Variants in ZBED4 observed in about 807,000 individuals in gnomAD.
ZBED4 encodes zinc finger BED-type containing 4.
Under a neutral mutation model 15.5 loss-of-function variants are expected in ZBED4, and 4 were observed. The observed-to-expected ratio is 0.26, with a 90% CI of 0.13 to 0.59. The LOEUF is 0.59. ZBED4 is among the 20% of genes least tolerant of loss of function. ZBED4 has a pLI of 0.90. For missense variants in ZBED4, 1,323 were observed against 1,461.8 expected, an observed-to-expected ratio of 0.91 and a Z score of 1.55; for synonymous variants, 692 against 608.5, an observed-to-expected ratio of 1.14 and a Z score of -2.02.
At position 49,886,428 on chromosome 22, in the gene ZBED4, C is replaced by A. The variant is rs761274127; in HGVS notation, c.2766C>A (p.Ile922=). 2 of 1,586,890 alleles carry A rather than the reference C, an allele frequency of 1.3e-6. No homozygotes were observed. Among genetic ancestry groups the A allele is most frequent in the Non-Finnish European group, 1.7e-6 (2 of 1,163,274 alleles). The part of the protein sequence containing the change: ...MSVECNFREL[I]SCDQWEVMQS... ...TCGAGTGTAACTTCCGAGAGCTGAT[C>A]AGCTGCGACCAGTGGGAGGTCATGC... is the stretch of plus-strand genomic sequence containing the variant. The change falls in exon 2 of 2, where the codon ATC becomes ATA. Residue 922 remains isoleucine, a synonymous_variant. Coordinates refer to ENST00000216268, the MANE Select transcript of ZBED4 (RefSeq NM_014838.3). This position sits in a 1 kb window ranked among gnomAD's most constrained non-coding sequence, Gnocchi z 7.7.
intron 1 of ZBED4, among the ~76,000 whole-genome samples, chr22:49,865,924 C>G (rs2060320612): frequency 6.7e-6 from 1 of 149,876 alleles, no homozygotes; most frequent in African/African-American, 2.5e-5. Flanking sequence ...ATTGCCCAGG[C>G]TGGTCTCAAA....
At chr22:49,869,457 T>TAA (rs750238974) in intron 1 of ZBED4, among the ~76,000 whole-genome samples, 1 of 152,242 alleles carries the variant, frequency 6.6e-6, no homozygotes, top group East Asian at 1.9e-4. Flanking sequence ...GTGGGTCACT[T>TAA]AGAGACACGT....
chr22:49,885,826 G>A lies in ZBED4; in HGVS notation c.2164G>A (p.Glu722Lys). 1 of 1,557,340 alleles carries A rather than the reference G, an allele frequency of 6.4e-7. No homozygotes were observed. The highest frequency in any genetic ancestry group is 8.9e-7 in the Non-Finnish European group (1 of 1,128,782). ...VKQIIMSHLK[E>K]AESGVIHFTS... ...GCAGATAATTATGTCCCACCTTAAG[G>A]AAGCTGAGAGTGGTGTGATCCACTT... Residue 722 changes from glutamate (E) to lysine (K), a missense_variant, in exon 2 of 2, where the codon GAA (glutamate) becomes AAA (lysine). Glu to Lys is a moderately conservative substitution (Grantham distance 56). Coordinates refer to ENST00000216268, the MANE Select transcript of ZBED4 (RefSeq NM_014838.3).
intron 1 of ZBED4, among the ~76,000 whole-genome samples, chr22:49,881,606 G>A (rs2060410097): frequency 6.6e-6 from 1 of 152,186 alleles, no homozygotes. Flanking sequence ...TCAAACTCCT[G>A]CCCTCAAGTG....
intron 1 of ZBED4, among the ~76,000 whole-genome samples, chr22:49,869,989 T>A (rs2060339262): frequency 6.6e-6 from 1 of 152,062 alleles, no homozygotes; most frequent in Admixed American, 6.6e-5. Context: ...CACTCCTCAC[T>A]CTCGCAGTCC....
At position 49,883,991 on chromosome 22, in the gene ZBED4, G is replaced by A. The variant is rs144751727; in HGVS notation, c.329G>A (p.Arg110Gln). The stretch of plus-strand genomic sequence containing the variant: ...GTGACCCAGAGCCTCCTTTCCAGCC[G>A]GAACATGAGCTCCAGGAAGAAGTCT... ...EAVTQSLLSS[R>Q]NMSSRKKSPA... is the part of the protein sequence containing the mutation. The change falls in exon 2 of 2, where the codon CGG becomes CAG. Residue 110 changes from arginine (R) to glutamine (Q), a missense_variant. By Grantham distance (43) the Arg-to-Gln change is conservative. Around this residue, in one of 6 missense-constraint regions of ZBED4, gnomAD observed 380 missense variants for 413.7 expected, o/e 0.92. Coordinates refer to ENST00000216268, the MANE Select transcript of ZBED4 (RefSeq NM_014838.3). The A allele has an allele frequency of 1.0e-4, 165 of 1,612,984 alleles. No homozygotes were observed. In the African/African-American group the frequency reaches 1.5e-3, roughly 14 times the overall value.
chr22:49,887,155 C>T lies in ZBED4; in HGVS notation c.3493C>T (p.Pro1165Ser). The T allele has an allele frequency of 6.2e-7, 1 of 1,612,532 alleles. No homozygotes were observed. Among genetic ancestry groups the T allele is most frequent in the South Asian group, 1.1e-5 (1 of 91,008 alleles). The change falls in exon 2 of 2, where the codon CCC becomes TCC. Residue 1165 changes from proline to serine, a missense_variant. Physicochemically the swap from Pro to Ser is moderately conservative, Grantham distance 74. Around this residue, in one of 6 missense-constraint regions of ZBED4, gnomAD observed 312 missense variants for 410.7 expected, o/e 0.76. Coordinates refer to ENST00000216268, the MANE Select transcript of ZBED4 (RefSeq NM_014838.3). ...ACTTATCTTTTTGAAAGTGAATCTT[C>T]CCTTAATATACTTTCAGTATTGAAA... The part of the protein sequence containing the change: ...EKLIFLKVNL[P>S]LIYFQY
chr22:49,883,993 A>G lies in ZBED4; in HGVS notation c.331A>G (p.Asn111Asp). The G allele has an allele frequency of 6.2e-7, 1 of 1,612,960 alleles. No homozygotes were observed. The highest frequency in any genetic ancestry group is 8.5e-7 in the Non-Finnish European group (1 of 1,179,668). The part of the protein sequence containing the change: ...AVTQSLLSSR[N>D]MSSRKKSPAW... ...GACCCAGAGCCTCCTTTCCAGCCGG[A>G]ACATGAGCTCCAGGAAGAAGTCTCC... The change falls in exon 2 of 2, where the codon AAC becomes GAC. Residue 111 changes from asparagine to aspartate, a missense_variant. Transcript: ENST00000216268.
Position 49,884,357 on chromosome 22 carries a change from C to T in ZBED4, c.695C>T (p.Ser232Phe), listed in dbSNP as rs151051120. Residue 232 changes from serine (S) to phenylalanine (F), a missense_variant, in exon 2 of 2, where the codon TCT (serine) becomes TTT (phenylalanine). Physicochemically the swap from Ser to Phe is radical, Grantham distance 155 (BLOSUM62 -2). Around this residue, in one of 6 missense-constraint regions of ZBED4, gnomAD observed 380 missense variants for 413.7 expected, o/e 0.92. Transcript: ENST00000216268. Reference protein sequence around the residue: ...ITEESVSVVSSEEISSDMSVS... With the variant: ...ITEESVSVVSFEEISSDMSVS... ...GAGGAGTCTGTGTCTGTAGTTTCTTCTGAAGAAATCTCCTCTGACATGTCC... is the reference window on the plus strand; with the variant it reads ...GAGGAGTCTGTGTCTGTAGTTTCTTTTGAAGAAATCTCCTCTGACATGTCC... The T allele has an allele frequency of 1.2e-6, 2 of 1,612,978 alleles. No homozygotes were observed. The highest frequency in any genetic ancestry group is 2.7e-5 in the African/African-American group (2 of 74,888).
At chr22:49,861,757 G>T (rs2060298209) in intron 1 of ZBED4, among the ~76,000 whole-genome samples, 1 of 152,296 alleles carries the variant, frequency 6.6e-6, no homozygotes, top group South Asian at 2.1e-4. Flanking sequence ...TGGTTTTTCT[G>T]CTCAGCACAT....
Position 49,886,328 on chromosome 22 carries a change from C to T in ZBED4, c.2666C>T (p.Pro889Leu). The stretch of plus-strand genomic sequence containing the variant: ...CAGCATCACCTCATCCAGGACGTCC[C>T]GTCCAAGTGGAGCACTTCCTTCCAC... The part of the protein sequence containing the change: ...LPQHHLIQDV[P>L]SKWSTSFHML... Residue 889 changes from proline (P) to leucine (L), a missense_variant, in exon 2 of 2, where the codon CCG (proline) becomes CTG (leucine). Physicochemically the swap from Pro to Leu is moderately conservative, Grantham distance 98. Coordinates refer to ENST00000216268, the MANE Select transcript of ZBED4 (RefSeq NM_014838.3). This position sits in a 1 kb window ranked among gnomAD's most constrained non-coding sequence, Gnocchi z 7.7. 3 of 1,596,260 alleles carry T rather than the reference C, an allele frequency of 1.9e-6. No homozygotes were observed. Among genetic ancestry groups the T allele is most frequent in the African/African-American group, 1.3e-5 (1 of 74,652 alleles).
At chr22:49,881,202 A>G (rs2060407789) in intron 1 of ZBED4, among the ~76,000 whole-genome samples, 1 of 152,108 alleles carries the variant, frequency 6.6e-6, no homozygotes, top group Non-Finnish European at 1.5e-5. Context: ...AAAAGGAATT[A>G]GCCGGGTGTC....
intron 1 of ZBED4, among the ~76,000 whole-genome samples, chr22:49,866,917 C>T (rs754615359): frequency 5.3e-5 from 8 of 152,138 alleles, no homozygotes; most frequent in East Asian, 3.8e-4. Flanking sequence ...TTACCTCTTG[C>T]GCCTTCAGGA....
At chr22:49,875,741 C>T (rs1352062344) in intron 1 of ZBED4, among the ~76,000 whole-genome samples, 1 of 152,090 alleles carries the variant, frequency 6.6e-6, no homozygotes, top group African/African-American at 2.4e-5. Context: ...ATCTGAGTTG[C>T]AGAACTTATT....
intron 1 of ZBED4, among the ~76,000 whole-genome samples, chr22:49,882,033 A>G (rs1386299277): frequency 6.6e-6 from 1 of 152,214 alleles, no homozygotes; most frequent in East Asian, 1.9e-4. Context: ...AGTATTATTA[A>G]TAGCTCCCTT....
intron 1 of ZBED4, among the ~76,000 whole-genome samples, chr22:49,875,224 G>T (rs1003537763): frequency 1.3e-5 from 2 of 150,848 alleles, no homozygotes; most frequent in Non-Finnish European, 1.5e-5. Context: ...GGAAGAATTT[G>T]TATTTTTTTT....
At chr22:49,879,364 T>C (rs1005662589) in intron 1 of ZBED4, among the ~76,000 whole-genome samples, 1 of 151,784 alleles carries the variant, frequency 6.6e-6, no homozygotes, top group South Asian at 2.1e-4. Flanking sequence ...TGAGCTCGGT[T>C]GATCCGTCTG....
intron 1 of ZBED4, among the ~76,000 whole-genome samples, chr22:49,876,890 C>T (rs1382000144): frequency 6.6e-6 from 1 of 152,192 alleles, no homozygotes; most frequent in African/African-American, 2.4e-5. Context: ...CGTTCCCACA[C>T]GTGGTGTTAA....
intron 1 of ZBED4, among the ~76,000 whole-genome samples, chr22:49,857,329 AG>A (rs1184487127): frequency 2.6e-5 from 4 of 152,174 alleles, no homozygotes; most frequent in African/African-American, 9.7e-5. Flanking sequence ...GTACACGGCG[AG>A]GGTGCTGGTG....
Sources: gnomAD v4.1 joint callset for allele counts (sites outside exome capture counted in the v4.1 genomes callset) on GRCh38, gnomAD v4.1.1 for gene constraint, gnomAD v4.1.1 regional missense constraint, Gnocchi (gnomAD v3.1) non-coding constraint, MANE v1.5 for transcripts, NCBI Gene and HGNC (gene_info 2026-07-23, HGNC 2026-07-21) for gene names.